GPM6A: variants seen among roughly 807,000 people sequenced by gnomAD.
GPM6A encodes neuronal membrane glycoprotein M6-a.
A neutral mutation model predicts 32.1 loss-of-function variants in GPM6A; 7 were observed. The ratio of observed to expected loss-of-function variants is 0.22; its 90% CI spans 0.12 to 0.41. The LOEUF is 0.41. Ranked by LOEUF, GPM6A falls within the 10% of genes least tolerant of loss-of-function variation. The probability of loss-of-function intolerance (pLI) is 1.00; values close to 1 mark genes in which losing one functional copy is unlikely to be tolerated. For synonymous variants in GPM6A, 130 were observed against 123.4 expected, an observed-to-expected ratio of 1.05 and a Z score of -0.35; for missense variants, 235 against 347.2, an observed-to-expected ratio of 0.68 and a Z score of 2.57.
chr4:175,848,750 T>C (rs1210494373), intron 1 of GPM6A, among the ~76,000 whole-genome samples: 1 of 141,684 alleles, frequency 7.1e-6, no homozygotes, highest in Admixed American at 7.6e-5. Flanking sequence ...TCTTGACACA[T>C]GTTTTTAGTA....
At chr4:175,681,546 T>A (rs1251255069) in intron 2 of GPM6A, among the ~76,000 whole-genome samples, 1 of 152,174 alleles carries the variant, frequency 6.6e-6, no homozygotes, top group Admixed American at 6.5e-5. Context: ...TCATGTTGAT[T>A]GTAATCCCCA....
At chr4:175,719,954 C>A (rs139672104) in intron 1 of GPM6A, among the ~76,000 whole-genome samples, 1 of 151,998 alleles carries the variant, frequency 6.6e-6, no homozygotes, top group African/African-American at 2.4e-5. Context: ...ATAGAAGAAA[C>A]GTCGATTTTA....
At chr4:175,721,966 G>A (rs1400511989) in intron 1 of GPM6A, among the ~76,000 whole-genome samples, 1 of 152,058 alleles carries the variant, frequency 6.6e-6, no homozygotes, top group Non-Finnish European at 1.5e-5. Context: ...TCTCAAGTGT[G>A]GCCAAGTTAC....
At chr4:175,995,376 T>TAAAA (rs10541049) in intron 1 of GPM6A, among the ~76,000 whole-genome samples, 3 of 96,318 alleles carry the variant, frequency 3.1e-5, no homozygotes, top group Non-Finnish European at 4.2e-5. Flanking sequence ...TTTCAATTTG[T>TAAAA]AAAAAAAAAA....
At chr4:175,944,264 A>C (rs966551192) in intron 1 of GPM6A, among the ~76,000 whole-genome samples, 1 of 152,208 alleles carries the variant, frequency 6.6e-6, no homozygotes, top group Admixed American at 6.5e-5. Flanking sequence ...TTTGTGGCCT[A>C]AGATATGCAA....
chr4:175,816,950 C>T (rs1235089849), upstream of GPM6A, among the ~76,000 whole-genome samples: 2 of 152,080 alleles, frequency 1.3e-5, no homozygotes, highest in African/African-American at 2.4e-5. Context: ...AGCTCCGCCT[C>T]CCGGGTTCAC....
At chr4:175,931,709 CAT>C (rs3034786) in intron 1 of GPM6A, among the ~76,000 whole-genome samples, 2,646 of 129,082 alleles carry the variant, frequency 0.02, 49 homozygotes, top group African/African-American at 0.04. Flanking sequence ...CACACACACA[CAT>C]ATATATATAT....
intron 2 of GPM6A, among the ~76,000 whole-genome samples, chr4:175,696,898 T>A (rs553239554): frequency 2.0e-4 from 30 of 152,242 alleles, no homozygotes; most frequent in African/African-American, 6.7e-4. Flanking sequence ...CACCCGAAGT[T>A]AGTTGAGAAC....
intron 1 of GPM6A, among the ~76,000 whole-genome samples, chr4:175,718,893 A>G (rs1745975254): frequency 6.6e-6 from 1 of 152,220 alleles, no homozygotes; most frequent in Admixed American, 6.5e-5. Flanking sequence ...TAAAGTAACT[A>G]TAAAATAAAT....
intron 1 of GPM6A, among the ~76,000 whole-genome samples, chr4:175,943,970 TG>T (rs1437824569): frequency 1.3e-5 from 2 of 152,166 alleles, no homozygotes; most frequent in African/African-American, 4.8e-5. Context: ...AGCTCCTCTT[TG>T]TACCTCTGGT....
chr4:175,660,822 T>A (rs1263407946), intron 3 of GPM6A, among the ~76,000 whole-genome samples: 2 of 152,208 alleles, frequency 1.3e-5, no homozygotes, highest in Non-Finnish European at 2.9e-5. Context: ...CTGATTTATG[T>A]GGAAGAAAAA....
At chr4:175,993,116 C>T (rs1246962065) in intron 1 of GPM6A, among the ~76,000 whole-genome samples, 2 of 151,608 alleles carry the variant, frequency 1.3e-5, no homozygotes, top group African/African-American at 4.8e-5. Context: ...AATTTCCTCC[C>T]ACCCTCCCTC....
chr4:175,666,442 T>A (rs1742756690), intron 3 of GPM6A, among the ~76,000 whole-genome samples: 2 of 152,192 alleles, frequency 1.3e-5, no homozygotes, highest in South Asian at 4.1e-4. Context: ...TGTTATTGAT[T>A]GAAAGGCAGA....
chr4:175,746,407 T>C (rs1732105594), intron 1 of GPM6A, among the ~76,000 whole-genome samples: 3 of 152,198 alleles, frequency 2.0e-5, no homozygotes, highest in South Asian at 2.1e-4. Context: ...AACCTGTATA[T>C]AAATGTACAA....
rs191734349 is a variant in GPM6A at position 175,677,737 on chromosome 4, A to C, written c.231-3901T>G. The stretch of plus-strand genomic sequence containing the variant: ...AACAAAAGCATTACACTCTCAAAGA[A>C]CTAGATAATATCTGCTAAATAAATA... On this transcript the variant is annotated intron_variant, in intron 2 of 6. Coordinates refer to ENST00000393658, the MANE Select transcript of GPM6A (RefSeq NM_201591.3). Among the ~76,000 whole-genome samples, 3 of 152,264 alleles carry C rather than the reference A, an allele frequency of 2.0e-5. No individual in the cohort carries two copies. In the East Asian group the frequency reaches 5.8e-4, roughly 29 times the overall value.
intron 1 of GPM6A, among the ~76,000 whole-genome samples, chr4:175,959,446 A>ACACACCCCACATACG (rs1740096290): frequency 6.6e-6 from 1 of 152,050 alleles, no homozygotes; most frequent in Non-Finnish European, 1.5e-5. Flanking sequence ...ACACACACAC[A>ACACACCCCACATACG]CACACCCCAC....
chr4:175,895,504 A>T (rs994204387), intron 1 of GPM6A, among the ~76,000 whole-genome samples: 8 of 152,180 alleles, frequency 5.3e-5, no homozygotes, highest in African/African-American at 1.4e-4. Context: ...TTTGCAGAAA[A>T]TTTTGAAAAC....
At chr4:175,806,917 T>C (rs1376431325) in intron 1 of GPM6A, 1 of 152,222 alleles carries the variant, frequency 6.6e-6, no homozygotes, top group Non-Finnish European at 1.5e-5. Context: ...TGTGACAGCA[T>C]TTGCTGAGAC....
intron 1 of GPM6A, among the ~76,000 whole-genome samples, chr4:175,898,632 G>C (rs1737864692): frequency 6.6e-6 from 1 of 152,060 alleles, no homozygotes; most frequent in Admixed American, 6.6e-5. Context: ...AGAACCCCTT[G>C]GGAGCAGGAT....
Sources: allele counts gnomAD v4.1 joint callset (sites outside exome capture counted in the v4.1 genomes callset), GRCh38; gene constraint gnomAD v4.1.1; transcripts MANE v1.5; gene names NCBI Gene and HGNC (gene_info 2026-07-23, HGNC 2026-07-21).